Variants in IQSEC1 observed in about 807,000 individuals in gnomAD.
IQSEC1 encodes IQ motif and Sec7 domain ArfGEF 1, also known as IQ motif and SEC7 domain-containing protein 1.
In IQSEC1, 31 loss-of-function variants were observed where a neutral mutation model predicts 91.0. The ratio of observed to expected loss-of-function variants is 0.34; its 90% CI spans 0.26 to 0.46. IQSEC1 has a LOEUF of 0.46. Among genes scored for constraint, IQSEC1 ranks in the 20% least tolerant of loss-of-function variants. The pLI is 1.00. For synonymous variants in IQSEC1, 699 were observed against 662.6 expected, an observed-to-expected ratio of 1.05 and a Z score of -0.84; for missense variants, 1,388 against 1,575.6, an observed-to-expected ratio of 0.88 and a Z score of 2.02.
At chr3:12,943,969 G>A (rs1698991564) in intron 1 of IQSEC1, among the ~76,000 whole-genome samples, 1 of 152,206 alleles carries the variant, frequency 6.6e-6, no homozygotes, top group Non-Finnish European at 1.5e-5. Flanking sequence ...CCACTCCCCA[G>A]GAGCTGGGCC....
chr3:13,012,793 C>T (rs1702943337), intron 1 of IQSEC1, among the ~76,000 whole-genome samples: 2 of 152,106 alleles, frequency 1.3e-5, no homozygotes, highest in Admixed American at 1.3e-4. Flanking sequence ...TTTTCAGTTC[C>T]AGGAGGCAAT....
chr3:12,955,974 C>A lies in IQSEC1; in HGVS notation c.24-14109G>T, dbSNP rs1699879658. On this transcript the variant is annotated intron_variant, in intron 1 of 13. Transcript: ENST00000613206. Reference sequence around the variant, plus strand: ...GCTCTCTGTGGCCCAAACAGTGTTTCAAAAACTAGAACGAATCACTAACAT... The same window carrying A: ...GCTCTCTGTGGCCCAAACAGTGTTTAAAAAACTAGAACGAATCACTAACAT... Among the ~76,000 whole-genome samples, 3 of 152,340 alleles carry A rather than the reference C, an allele frequency of 2.0e-5. No individual in the cohort carries two copies. In the South Asian group the frequency reaches 6.2e-4, roughly 32 times the overall value.
At position 12,900,928 on chromosome 3, in the gene IQSEC1, T is replaced by G. The variant is rs1019186665; in HGVS notation, c.*55A>C. The G allele has an allele frequency of 3.3e-6, 5 of 1,537,318 alleles. No homozygotes were observed. The African/African-American group carries it at 6.9e-5, about 21-fold the overall frequency. ...GTGTGCGGCTGGCGACCCCCGGGCG[T>G]GCCCTGTGTGGTGTGCAGGTGTTTC... On this transcript the variant is annotated 3_prime_UTR_variant, in exon 14 of 14. Transcript: ENST00000613206.
intron 3 of IQSEC1, among the ~76,000 whole-genome samples, chr3:12,926,722 G>A (rs2125230714): frequency 6.6e-6 from 1 of 152,346 alleles, no homozygotes; most frequent in South Asian, 2.1e-4. Flanking sequence ...TGAAACCGGT[G>A]TCCACCTGCC....
chr3:12,941,944 A>C (rs1357689131), intron 1 of IQSEC1, 79 bp from the exon 2 acceptor site: 4 of 1,331,526 alleles, frequency 3.0e-6, no homozygotes, highest in Non-Finnish European at 4.0e-6. Flanking sequence ...GCGTGACCCC[A>C]CCATGCTCCT....
intron 1 of IQSEC1, among the ~76,000 whole-genome samples, chr3:13,253,293 G>A (rs1370857880): frequency 6.6e-6 from 1 of 152,232 alleles, no homozygotes; most frequent in Non-Finnish European, 1.5e-5. Flanking sequence ...AATACCATGA[G>A]TGGCAGAGCC....
intron 1 of IQSEC1, among the ~76,000 whole-genome samples, chr3:13,216,173 GC>G (rs1435461465): frequency 6.6e-6 from 1 of 152,258 alleles, no homozygotes; most frequent in Non-Finnish European, 1.5e-5. Flanking sequence ...GCACAAAGAT[GC>G]AAAGATTGGC....
rs1702118889 is a variant in IQSEC1, at chr3:12,994,113, G to A, written c.24-52248C>T. Among the ~76,000 whole-genome samples the A allele has an allele frequency of 6.8e-6, 1 of 146,110 alleles. No homozygotes were observed. Among genetic ancestry groups the A allele is most frequent in the East Asian group, 2.0e-4 (1 of 5,070 alleles). On this transcript the variant is annotated intron_variant, in intron 1 of 13. Transcript: ENST00000613206. The surrounding 1 kb of genome is among the most constrained non-coding windows in gnomAD (Gnocchi z 4.5). ...GTCCGCCCGCAGCCGCCGAGAGCGCGCCGTCCCCGCGGCCGGCGCGGCCCC... is the reference window on the plus strand; with the variant it reads ...GTCCGCCCGCAGCCGCCGAGAGCGCACCGTCCCCGCGGCCGGCGCGGCCCC...
intron 1 of IQSEC1, among the ~76,000 whole-genome samples, chr3:13,174,521 A>C (rs977256087): frequency 2.0e-5 from 3 of 152,124 alleles, no homozygotes; most frequent in African/African-American, 7.2e-5. Context: ...CAGGCAAAAC[A>C]CTGGGCTGTC....
At chr3:13,165,005 C>G (rs569515237) in intron 1 of IQSEC1, among the ~76,000 whole-genome samples, 1 of 152,220 alleles carries the variant, frequency 6.6e-6, no homozygotes, top group Non-Finnish European at 1.5e-5. Context: ...AGAGCACATG[C>G]TGCACGACCC....
At chr3:12,965,683 T>C (rs1483913365) in intron 1 of IQSEC1, among the ~76,000 whole-genome samples, 1 of 152,166 alleles carries the variant, frequency 6.6e-6, no homozygotes, top group Non-Finnish European at 1.5e-5. Flanking sequence ...TGAGATGAGA[T>C]GCCCGGAGGG....
chr3:12,900,570 C>A lies in IQSEC1; in HGVS notation c.*413G>T. The A allele has an allele frequency of 1.0e-6, 1 of 1,002,082 alleles. No individual in the cohort carries two copies. Among genetic ancestry groups the A allele is most frequent in the Non-Finnish European group, 1.2e-6 (1 of 840,314 alleles). 62.1% of individuals were successfully genotyped at this position (1,002,082 alleles called of 1,614,324 possible). On this transcript the variant is annotated 3_prime_UTR_variant, in exon 14 of 14. Transcript: ENST00000613206. ...CATTGTCAATAAAAGAGCAATAATG[C>A]AGCAAGTTTTGGGGTTTGTTTTGTC...
chr3:13,217,770 A>T (rs1374465640), intron 1 of IQSEC1, among the ~76,000 whole-genome samples: 1 of 152,236 alleles, frequency 6.6e-6, no homozygotes, highest in African/African-American at 2.4e-5. Flanking sequence ...TTAAATGTAA[A>T]ATACTATCAT....
chr3:12,905,221 G>C (rs1334840297), intron 12 of IQSEC1, among the ~76,000 whole-genome samples: 1 of 152,250 alleles, frequency 6.6e-6, no homozygotes. Context: ...GCCCTGGGCA[G>C]AGCCTGGAGG....
chr3:13,258,830 C>T (rs73813525), intron 1 of IQSEC1, among the ~76,000 whole-genome samples: 3,694 of 152,274 alleles, frequency 0.024, 141 homozygotes, highest in African/African-American at 0.085. Context: ...CCCTCCCCAC[C>T]CCACAGGGGC....
intron 1 of IQSEC1, among the ~76,000 whole-genome samples, chr3:13,187,439 G>A (rs969582028): frequency 1.3e-5 from 2 of 152,160 alleles, no homozygotes; most frequent in African/African-American, 4.8e-5. Flanking sequence ...TTTTGAATAT[G>A]ACTTTAATAT....
intron 2 of IQSEC1, among the ~76,000 whole-genome samples, chr3:13,111,409 A>G (rs2124864494): frequency 6.6e-6 from 1 of 152,240 alleles, no homozygotes; most frequent in South Asian, 2.1e-4. Flanking sequence ...GATGGGGCCG[A>G]GGCTGCAGCT....
chr3:13,155,049 A>G (rs1231226846), intron 2 of IQSEC1, among the ~76,000 whole-genome samples: 5 of 152,214 alleles, frequency 3.3e-5, no homozygotes, highest in African/African-American at 4.8e-5. Flanking sequence ...TTAAATCAAC[A>G]AAATAACTTT....
intron 1 of IQSEC1, among the ~76,000 whole-genome samples, chr3:12,975,305 G>A (rs1701112566): frequency 6.6e-6 from 1 of 152,230 alleles, no homozygotes; most frequent in Admixed American, 6.5e-5. Flanking sequence ...GCTTACGGAG[G>A]CTCCATGTTC....
Sources: gnomAD v4.1 joint callset for allele counts (sites outside exome capture counted in the v4.1 genomes callset) on GRCh38, gnomAD v4.1.1 for gene constraint, Gnocchi (gnomAD v3.1) non-coding constraint, MANE v1.5 for transcripts, NCBI Gene and HGNC (gene_info 2026-07-23, HGNC 2026-07-21) for gene names.